NECAP2: variants seen among roughly 807,000 people sequenced by gnomAD.
The protein encoded by NECAP2 is NECAP endocytosis associated 2.
In NECAP2, 38 loss-of-function variants were observed where a neutral mutation model predicts 37.8. The ratio of observed to expected loss-of-function variants is 1.01; its 90% confidence interval spans 0.78 to 1.32. The LOEUF is 1.32. Ranked by LOEUF, NECAP2 falls within the 40% of genes most tolerant of loss-of-function variation. The probability of loss-of-function intolerance (pLI) is 0.00; values close to 1 mark genes in which losing one functional copy is unlikely to be tolerated. For synonymous variants in NECAP2, 121 were observed against 127.7 expected (o/e 0.95, Z 0.35); for missense variants, 316 against 334.5 (o/e 0.94, Z 0.43).
chr1:16,442,385 C>G (rs150330005), intron 1 of NECAP2, among the ~76,000 whole-genome samples: 1 of 152,156 alleles, frequency 6.6e-6, no homozygotes, highest in Non-Finnish European at 1.5e-5. Flanking sequence ...ACTACCAGTG[C>G]CTGCACTTAA....
At chr1:16,446,180 C>T (rs1211456119) in intron 2 of NECAP2, among the ~76,000 whole-genome samples, 1 of 152,210 alleles carries the variant, frequency 6.6e-6, no homozygotes, top group Non-Finnish European at 1.5e-5. Flanking sequence ...TGCACTTCAG[C>T]CTGGGCAACA....
At chr1:16,450,129 C>T in intron 5 of NECAP2, 1 of 445,696 alleles carries the variant, frequency 2.2e-6, no homozygotes, top group Non-Finnish European at 4.5e-6. Flanking sequence ...TTGAAGTTGG[C>T]CAGCTGGCCC....
chr1:16,444,201 G>A (rs1011460725), intron 2 of NECAP2, among the ~76,000 whole-genome samples: 1 of 152,186 alleles, frequency 6.6e-6, no homozygotes, highest in African/African-American at 2.4e-5. Context: ...GTGAGAGGAC[G>A]AGCTGAGCTG....
chr1:16,447,564 A>G (rs1166044221), intron 2 of NECAP2, among the ~76,000 whole-genome samples: 1 of 152,194 alleles, frequency 6.6e-6, no homozygotes, highest in African/African-American at 2.4e-5. Flanking sequence ...AGCAGCTCCA[A>G]CTTATTCTCA....
chr1:16,449,213 C>T lies in NECAP2; in HGVS notation c.489+12C>T. The stretch of plus-strand genomic sequence containing the variant: ...AGCTCAACATCGCAGTGAGTTCTAC[C>T]CTTGCTTGGCTGTGGTGACGTGATA... On this transcript the variant is annotated intron_variant, in intron 5 of 7. Transcript: ENST00000337132. 1 of 1,588,428 alleles carries T rather than the reference C, an allele frequency of 6.3e-7. No homozygotes were observed. Among genetic ancestry groups the T allele is most frequent in the Non-Finnish European group, 8.6e-7 (1 of 1,162,046 alleles).
rs979078214 is a variant in NECAP2 at position 16,443,571 on chromosome 1, C to A, written c.93-61C>A. The A allele has an allele frequency of 3.1e-6, 4 of 1,291,656 alleles. No individual in the cohort carries two copies. In the African/African-American group the frequency reaches 4.3e-5, roughly 14 times the overall value. 80.0% of individuals were successfully genotyped at this position (1,291,656 alleles called of 1,614,324 possible). On this transcript the variant is annotated intron_variant, in intron 1 of 7. Transcript: ENST00000337132. ...TAGAATAAGCAGCCCTTTCCATTCC[C>A]AGCATTGGGGTCACACAGCAGGAGC...
intron 1 of NECAP2, 96 bp from the exon 2 acceptor site, chr1:16,443,536 A>G (rs1175351723): frequency 2.2e-6 from 2 of 920,690 alleles, no homozygotes; most frequent in Non-Finnish European, 3.4e-6. Context: ...ATGTTTGCCA[A>G]CTCTTGGGCT....
At chr1:16,444,076 C>T (rs529432016) in intron 2 of NECAP2, among the ~76,000 whole-genome samples, 92 of 152,142 alleles carry the variant, frequency 6.0e-4, no homozygotes, top group Non-Finnish European at 1.2e-3. Flanking sequence ...AGCCCTCTGC[C>T]GCTGGGCTCT....
chr1:16,451,518 T>G (rs1249349235), intron 5 of NECAP2: 1 of 330,096 alleles, frequency 3.0e-6, no homozygotes, highest in Non-Finnish European at 5.6e-6. Context: ...AATGGTTACT[T>G]CATATCGTAG....
At chr1:16,442,285 G>C (rs2086701173) in intron 1 of NECAP2, among the ~76,000 whole-genome samples, 1 of 152,072 alleles carries the variant, frequency 6.6e-6, no homozygotes, top group Non-Finnish European at 1.5e-5. Context: ...GCCCCCTATT[G>C]GGTCTTTAGT....
chr1:16,456,567 C>CCT, intron 7 of NECAP2, among the ~76,000 whole-genome samples: 1 of 152,220 alleles, frequency 6.6e-6, no homozygotes, highest in Admixed American at 6.5e-5. Flanking sequence ...GACCCAGGCT[C>CCT]CAGCCTCAGC....
chr1:16,442,616 G>T (rs2086705084), intron 1 of NECAP2, among the ~76,000 whole-genome samples: 1 of 152,192 alleles, frequency 6.6e-6, no homozygotes, highest in Admixed American at 6.5e-5. Context: ...GAACTAAAAT[G>T]TGAAGTTAAT....
At position 16,454,225 on chromosome 1, in the gene NECAP2, A is replaced by G. The variant is rs182476014; in HGVS notation, c.668-1593A>G. Among the ~76,000 whole-genome samples, 32 of 150,282 alleles carry G rather than the reference A, an allele frequency of 2.1e-4. No individual in the cohort carries two copies. The East Asian group carries it at 6.3e-3, about 29-fold the overall frequency. ...CAGGCATGCGCCACCTCACGTGGCT[A>G]ATTTTGTATTTTTAGTGGAGACGGG... is the stretch of plus-strand genomic sequence containing the variant. On this transcript the variant is annotated intron_variant, in intron 6 of 7. Transcript: ENST00000337132.
Position 16,448,091 on chromosome 1 carries a change from G to A in NECAP2, c.330G>A (p.Gly110=), listed in dbSNP as rs142859333. 167 of 1,614,168 alleles carry A rather than the reference G, an allele frequency of 1.0e-4. 1 individual carries two copies. In the African/African-American group the frequency reaches 2.0e-3, roughly 19 times the overall value. The change falls in exon 4 of 8, where the codon GGG becomes GGA. Residue 110 remains glycine (G), a synonymous_variant. Coordinates refer to ENST00000337132, the MANE Select transcript of NECAP2 (RefSeq NM_018090.5). ...GGGCGTTTATTGGAATTGGCTTCGGGGACCGAGGTGATGCCTTTGACTTCA... is the reference window on the plus strand; with the variant it reads ...GGGCGTTTATTGGAATTGGCTTCGGAGACCGAGGTGATGCCTTTGACTTCA... ...GRRAFIGIGF[G]DRGDAFDFNV... is the part of the protein sequence containing the mutation.
At chr1:16,454,514 C>T (rs745776902) in intron 6 of NECAP2, among the ~76,000 whole-genome samples, 2 of 152,048 alleles carry the variant, frequency 1.3e-5, no homozygotes, top group African/African-American at 2.4e-5. Flanking sequence ...CACCACCATA[C>T]CTGGCTAATT....
Position 16,448,155 on chromosome 1 carries a change from G to A in NECAP2, c.380+14G>A, listed in dbSNP as rs1019709718. 2.5e-6 allele frequency: 4 copies of A among 1,605,614 alleles called. No homozygotes were observed. The East Asian group carries it at 6.7e-5, about 27-fold the overall frequency. On this transcript the variant is annotated intron_variant, in intron 4 of 7. Transcript: ENST00000337132. ...GGACCATTTCAAGTGAGTGGGTCTG[G>A]GAGACACACGCTCATGCCCCTCCCT...
At chr1:16,454,775 GTA>G (rs1356519548) in intron 6 of NECAP2, among the ~76,000 whole-genome samples, 1 of 152,230 alleles carries the variant, frequency 6.6e-6, no homozygotes, top group African/African-American at 2.4e-5. Flanking sequence ...GCTGATTTAT[GTA>G]TAGCACTTAG....
At chr1:16,442,159 G>A (rs1170700941) in intron 1 of NECAP2, among the ~76,000 whole-genome samples, 3 of 143,260 alleles carry the variant, frequency 2.1e-5, no homozygotes, top group Non-Finnish European at 2.9e-5. Flanking sequence ...TGTGTTTTTA[G>A]TAGAGATGAG....
At chr1:16,449,360 C>G (rs1236370810) in intron 5 of NECAP2, 159 bp downstream of exon 5, 8 of 590,174 alleles carry the variant, frequency 1.4e-5, no homozygotes, top group Non-Finnish European at 2.4e-5. Flanking sequence ...CAAGAGACCT[C>G]TGTTCTCATG....
Sources: allele counts gnomAD v4.1 joint callset (sites outside exome capture counted in the v4.1 genomes callset), GRCh38; gene constraint gnomAD v4.1.1; transcripts MANE v1.5; gene names NCBI Gene and HGNC (gene_info 2026-07-23, HGNC 2026-07-21).